The following CSMD3 variants were observed in gnomAD, a reference collection of about 807,000 sequenced individuals.
CSMD3 encodes the protein CUB and sushi domain-containing protein 3.
In CSMD3, 177 loss-of-function variants were observed where a neutral mutation model predicts 435.2. The ratio of observed to expected loss-of-function variants is 0.41; its 90% CI spans 0.36 to 0.46. The LOEUF (loss-of-function observed/expected upper bound fraction) is 0.46. Among genes scored for constraint, CSMD3 ranks in the 20% least tolerant of loss-of-function variants. The pLI is 0.34. For missense variants in CSMD3, 4,265 were observed against 4,504.6 expected (o/e 0.95, Z 1.52); for synonymous variants, 1,656 against 1,520.5 (o/e 1.09, Z -2.07).
chr8:112,511,729 T>C (rs905878099), intron 28 of CSMD3, among the ~76,000 whole-genome samples: 1 of 152,110 alleles, frequency 6.6e-6, no homozygotes, highest in Non-Finnish European at 1.5e-5. Context: ...AAGTCTGCCG[T>C]AGTACTGGAT....
chr8:112,968,599 C>T (rs191041530), intron 7 of CSMD3, among the ~76,000 whole-genome samples: 1 of 151,932 alleles, frequency 6.6e-6, no homozygotes, highest in Non-Finnish European at 1.5e-5. Context: ...AACAACATAT[C>T]AAGCATTTCA....
chr8:113,320,832 G>T (rs552865475), intron 1 of CSMD3, among the ~76,000 whole-genome samples: 60 of 152,120 alleles, frequency 3.9e-4, no homozygotes, highest in African/African-American at 1.4e-3. Context: ...AGATATAGCT[G>T]TAAGCAATAC....
At chr8:112,679,044 G>C (rs1283011152) in intron 16 of CSMD3, among the ~76,000 whole-genome samples, 1 of 150,276 alleles carries the variant, frequency 6.7e-6, no homozygotes, top group Non-Finnish European at 1.5e-5. Flanking sequence ...GTAAGTGGGA[G>C]TGGCTCTGGA....
intron 13 of CSMD3, among the ~76,000 whole-genome samples, chr8:112,691,472 G>T (rs891127069): frequency 1.3e-5 from 2 of 151,886 alleles, no homozygotes; most frequent in Non-Finnish European, 2.9e-5. Context: ...TTCTTCAAAG[G>T]TTATTTTCCT....
chr8:112,567,929 A>G (rs1200014666), intron 24 of CSMD3, among the ~76,000 whole-genome samples: 1 of 152,282 alleles, frequency 6.6e-6, no homozygotes, highest in African/African-American at 2.4e-5. Context: ...TGTGTCGCGT[A>G]AAGTACCTGA....
At chr8:113,423,279 T>C (rs1371569109) in intron 1 of CSMD3, among the ~76,000 whole-genome samples, 1 of 152,094 alleles carries the variant, frequency 6.6e-6, no homozygotes, top group Non-Finnish European at 1.5e-5. Flanking sequence ...TACAGAATGA[T>C]GAAATCTAAC....
chr8:112,332,299 CAAG>C (rs60362852), intron 45 of CSMD3, among the ~76,000 whole-genome samples: 27,383 of 151,806 alleles, frequency 0.18, 3,000 homozygotes, highest in Middle Eastern at 0.33. Context: ...TTCAAATTAT[CAAG>C]AAGTGGAGGA....
chr8:112,796,209 G>A (rs912209310), intron 13 of CSMD3, among the ~76,000 whole-genome samples: 1 of 152,068 alleles, frequency 6.6e-6, no homozygotes, highest in Non-Finnish European at 1.5e-5. Context: ...AAAAAAGAAT[G>A]AAGTCAGTAA....
At chr8:113,269,813 C>T (rs1408203571) in intron 3 of CSMD3, among the ~76,000 whole-genome samples, 1 of 151,918 alleles carries the variant, frequency 6.6e-6, no homozygotes, top group Non-Finnish European at 1.5e-5. Flanking sequence ...AAAATTAATT[C>T]AATATGGATT....
At position 113,098,514 on chromosome 8, in the gene CSMD3, A is replaced by C. The variant is rs1588069875; in HGVS notation, c.917+242T>G. Reference sequence around the variant, plus strand: ...AGTTTGGACTGGCATGCTAAAAAACACAACTGTAGATTACAATAGGAATAA... The same window carrying C: ...AGTTTGGACTGGCATGCTAAAAAACCCAACTGTAGATTACAATAGGAATAA... On this transcript the variant is annotated intron_variant, in intron 5 of 70. Transcript: ENST00000297405. The C allele has an allele frequency of 6.1e-6, 3 of 489,492 alleles. No homozygotes were observed. In the East Asian group the frequency reaches 1.1e-4, roughly 18 times the overall value. 30.3% of individuals were successfully genotyped at this position (489,492 alleles called of 1,614,324 possible). A position where few individuals can be genotyped will look rare whatever the true frequency, so the allele number is the denominator to read the frequency against.
intron 31 of CSMD3, among the ~76,000 whole-genome samples, chr8:112,476,981 C>T (rs563420460): frequency 6.6e-6 from 1 of 152,282 alleles, no homozygotes; most frequent in South Asian, 2.1e-4. Context: ...CTTCTCTTCT[C>T]TTCTCAGGAC....
intron 54 of CSMD3, among the ~76,000 whole-genome samples, chr8:112,294,232 A>G (rs187157267): frequency 6.6e-6 from 1 of 152,158 alleles, no homozygotes; most frequent in East Asian, 1.9e-4. Flanking sequence ...TGTGGATTGG[A>G]TCAAAACAGT....
At chr8:112,845,048 A>G (rs1052181861) in intron 11 of CSMD3, among the ~76,000 whole-genome samples, 1 of 152,018 alleles carries the variant, frequency 6.6e-6, no homozygotes, top group Non-Finnish European at 1.5e-5. Context: ...AATACAAACA[A>G]AAATGCTTTG....
chr8:113,414,815 T>C (rs1425352250), intron 1 of CSMD3, among the ~76,000 whole-genome samples: 1 of 151,672 alleles, frequency 6.6e-6, no homozygotes, highest in Non-Finnish European at 1.5e-5. Flanking sequence ...ACAAAACAAA[T>C]AATTAGCTGG....
chr8:112,593,386 A>T (rs540279042), intron 22 of CSMD3, among the ~76,000 whole-genome samples: 1 of 152,294 alleles, frequency 6.6e-6, no homozygotes, highest in East Asian at 1.9e-4. Flanking sequence ...ATGCCAAAGT[A>T]AAAGTTAGAA....
chr8:112,910,301 T>TC (rs34867774), intron 10 of CSMD3, among the ~76,000 whole-genome samples: 1 of 151,676 alleles, frequency 6.6e-6, no homozygotes, highest in Non-Finnish European at 1.5e-5. Context: ...CTTGGTGACT[T>TC]CCCTGACCTC....
At position 113,386,553 on chromosome 8, in the gene CSMD3, C is replaced by T. The variant is rs535171168; in HGVS notation, c.178+50124G>A. 1.3e-4 allele frequency among the ~76,000 whole-genome samples: 20 copies of T among 151,584 alleles called. No individual in the cohort carries two copies. The South Asian group carries it at 3.3e-3, about 25-fold the overall frequency. On this transcript the variant is annotated intron_variant, in intron 1 of 70. Coordinates refer to ENST00000297405, the MANE Select transcript of CSMD3 (RefSeq NM_198123.2). ...TGGCATATTCTGTTAGAATTGATCT[C>T]TCTCTCTCTCTCTGTCAGTGTATTT...
At chr8:113,315,031 T>C (rs968350136) in intron 1 of CSMD3, among the ~76,000 whole-genome samples, 3 of 152,170 alleles carry the variant, frequency 2.0e-5, no homozygotes, top group Non-Finnish European at 4.4e-5. Context: ...AAGCAGTTGA[T>C]GAAATAAAAT....
chr8:112,261,554 T>C (rs1816400335), intron 61 of CSMD3, among the ~76,000 whole-genome samples: 1 of 152,050 alleles, frequency 6.6e-6, no homozygotes, highest in Non-Finnish European at 1.5e-5. Context: ...GGCATATATG[T>C]ATGTGTGTGT....
Sources: gnomAD v4.1 joint callset for allele counts (sites outside exome capture counted in the v4.1 genomes callset) on GRCh38, gnomAD v4.1.1 for gene constraint, MANE v1.5 for transcripts, NCBI Gene and HGNC (gene_info 2026-07-23, HGNC 2026-07-21) for gene names.